The following KCNH1 variants were observed in gnomAD, a reference collection of about 807,000 sequenced individuals.
KCNH1 encodes voltage-gated delayed rectifier potassium channel KCNH1.
Under a neutral mutation model 69.2 loss-of-function variants are expected in KCNH1, and 27 were observed. That is an observed-to-expected ratio of 0.39 (90% CI 0.29 to 0.54). KCNH1 has a LOEUF of 0.54. Among genes scored for constraint, KCNH1 ranks in the 20% least tolerant of loss-of-function variants. The probability of loss-of-function intolerance (pLI) is 0.68; values close to 1 mark genes in which losing one functional copy is unlikely to be tolerated. For synonymous variants in KCNH1, 456 were observed against 487.7 expected (o/e 0.93, Z 0.86); for missense variants, 798 against 1,261.6 (o/e 0.63, Z 5.57).
At chr1:210,929,628 T>C (rs1032896212) in intron 6 of KCNH1, among the ~76,000 whole-genome samples, 6 of 151,992 alleles carry the variant, frequency 3.9e-5, no homozygotes, top group African/African-American at 9.7e-5. Context: ...CAAGACAAGG[T>C]TGCCCACTTT....
At chr1:210,780,682 G>T (rs1365941565) in intron 9 of KCNH1, among the ~76,000 whole-genome samples, 2 of 152,222 alleles carry the variant, frequency 1.3e-5, no homozygotes, top group Non-Finnish European at 2.9e-5. Flanking sequence ...CTGAAGCATG[G>T]AGATGATTCC....
chr1:211,071,838 A>T (rs958505243), intron 5 of KCNH1, among the ~76,000 whole-genome samples: 5 of 152,202 alleles, frequency 3.3e-5, no homozygotes. Context: ...GTTCAAACCC[A>T]TGTTATTCAA....
At chr1:210,690,604 A>T (rs1171569270) in intron 10 of KCNH1, among the ~76,000 whole-genome samples, 1 of 152,240 alleles carries the variant, frequency 6.6e-6, no homozygotes, top group African/African-American at 2.4e-5. Context: ...AGGATGAGGC[A>T]GTTGGTTGGG....
intron 5 of KCNH1, among the ~76,000 whole-genome samples, chr1:211,081,650 T>C (rs1690862388): frequency 6.6e-6 from 1 of 152,146 alleles, no homozygotes; most frequent in Non-Finnish European, 1.5e-5. Flanking sequence ...TTAAAAAGGA[T>C]GAGTTCATGT....
intron 2 of KCNH1, among the ~76,000 whole-genome samples, chr1:211,104,279 A>G (rs1236477058): frequency 1.3e-5 from 2 of 152,240 alleles, no homozygotes; most frequent in East Asian, 3.9e-4. Flanking sequence ...AAGGAGAAAC[A>G]TAATCAGATT....
chr1:210,864,362 C>T lies in KCNH1; in HGVS notation c.1462+55278G>A, dbSNP rs535420333. ...TGAGGTCCACTATGCAGCTCCAGGT[C>T]CCCCTACTATGCTCCTTCAAGAACA... On this transcript the variant is annotated intron_variant, in intron 7 of 10. Coordinates refer to ENST00000271751, the MANE Select transcript of KCNH1 (RefSeq NM_172362.3). Among the ~76,000 whole-genome samples the T allele has an allele frequency of 7.6e-4, 116 of 152,262 alleles. 1 individual carries two copies. Among genetic ancestry groups the T allele is most frequent in the African/African-American group, 2.8e-3 (116 of 41,554 alleles).
At position 210,804,177 on chromosome 1, in the gene KCNH1, G is replaced by A; in HGVS notation, c.1463-11C>T. ...TGGCATAGAGAAGTGCTAGAGGTGAGGAGGAGGAGCAAAAGAAGAAATAAC... is the reference window on the plus strand; with the variant it reads ...TGGCATAGAGAAGTGCTAGAGGTGAAGAGGAGGAGCAAAAGAAGAAATAAC... On this transcript the variant is annotated splice_polypyrimidine_tract_variant and intron_variant, in intron 7 of 10. Transcript: ENST00000271751. 1 of 1,600,038 alleles carries A rather than the reference G, an allele frequency of 6.2e-7. No individual in the cohort carries two copies. The highest frequency in any genetic ancestry group is 1.7e-5 in the Admixed American group (1 of 57,568).
At chr1:211,130,452 C>G (rs1691856914) in intron 1 of KCNH1, among the ~76,000 whole-genome samples, 1 of 152,166 alleles carries the variant, frequency 6.6e-6, no homozygotes, top group African/African-American at 2.4e-5. Context: ...GGGCAAGAAC[C>G]TTGGACCAAG....
chr1:210,744,836 A>T (rs1683113153), intron 10 of KCNH1, among the ~76,000 whole-genome samples: 1 of 152,138 alleles, frequency 6.6e-6, no homozygotes, highest in Admixed American at 6.5e-5. Flanking sequence ...AAGCGCCGTT[A>T]GTTACCGGGG....
intron 7 of KCNH1, among the ~76,000 whole-genome samples, chr1:210,838,606 G>C (rs1558491005): frequency 6.6e-6 from 1 of 152,216 alleles, no homozygotes; most frequent in East Asian, 1.9e-4. Context: ...CACAGCAAAA[G>C]AAACTATCAA....
At chr1:211,097,238 C>T (rs1691173448) in intron 3 of KCNH1, among the ~76,000 whole-genome samples, 1 of 152,000 alleles carries the variant, frequency 6.6e-6, no homozygotes, top group Non-Finnish European at 1.5e-5. Context: ...TAGATTATTG[C>T]TTCACATAAT....
chr1:211,113,641 G>T (rs1691511680), intron 1 of KCNH1, among the ~76,000 whole-genome samples: 1 of 152,184 alleles, frequency 6.6e-6, no homozygotes, highest in Non-Finnish European at 1.5e-5. Context: ...ATACCACACT[G>T]GGTGACCCAA....
intron 6 of KCNH1, among the ~76,000 whole-genome samples, chr1:210,991,603 CCACACACACACACACA>C (rs67518284): frequency 6.7e-6 from 1 of 148,306 alleles, no homozygotes; most frequent in Non-Finnish European, 1.5e-5. Context: ...TCTGTTCTTG[CCACACACACACACACA>C]CACACACACA....
intron 5 of KCNH1, among the ~76,000 whole-genome samples, chr1:211,050,903 G>C (rs1690193373): frequency 6.6e-6 from 1 of 152,174 alleles, no homozygotes; most frequent in South Asian, 2.1e-4. Context: ...TTCATTCAAT[G>C]AACATTTATC....
intron 10 of KCNH1, among the ~76,000 whole-genome samples, chr1:210,692,684 C>T (rs977585007): frequency 6.6e-6 from 1 of 152,082 alleles, no homozygotes; most frequent in Non-Finnish European, 1.5e-5. Flanking sequence ...ATGCAGAACA[C>T]AGAGAAAGGC....
At chr1:210,736,787 T>C (rs1410637939) in intron 10 of KCNH1, among the ~76,000 whole-genome samples, 2 of 152,184 alleles carry the variant, frequency 1.3e-5, no homozygotes, top group South Asian at 2.1e-4. Flanking sequence ...TCTGGAGCCG[T>C]TCTGATTACC....
chr1:211,131,592 G>A lies in KCNH1; in HGVS notation c.79+2275C>T, dbSNP rs147754858. On this transcript the variant is annotated intron_variant, in intron 1 of 10. Coordinates refer to ENST00000271751, the MANE Select transcript of KCNH1 (RefSeq NM_172362.3). ...CGTAATGTCCAAAAAAGGGCTCATGGATTTTAGAATGAGACAATCAATATC... is the reference window on the plus strand; with the variant it reads ...CGTAATGTCCAAAAAAGGGCTCATGAATTTTAGAATGAGACAATCAATATC... Among the ~76,000 whole-genome samples, 210 of 152,272 alleles carry A rather than the reference G, an allele frequency of 1.4e-3. 1 individual carries two copies. Among genetic ancestry groups the A allele is most frequent in the African/African-American group, 4.7e-3 (196 of 41,550 alleles).
intron 3 of KCNH1, 130 bp downstream of exon 3, chr1:211,103,366 C>T (rs972250759): frequency 3.4e-6 from 2 of 592,854 alleles, no homozygotes; most frequent in African/African-American, 1.9e-5. Context: ...TCCCAACATA[C>T]ACAAGGGCTT....
At chr1:210,782,582 G>A (rs1056319257) in intron 9 of KCNH1, among the ~76,000 whole-genome samples, 10 of 152,158 alleles carry the variant, frequency 6.6e-5, no homozygotes, top group African/African-American at 9.6e-5. Flanking sequence ...AAAAATTAGC[G>A]GGGTGTGGTG....
Sources: allele counts gnomAD v4.1 joint callset (sites outside exome capture counted in the v4.1 genomes callset), GRCh38; gene constraint gnomAD v4.1.1; transcripts MANE v1.5; gene names NCBI Gene and HGNC (gene_info 2026-07-23, HGNC 2026-07-21).